OSBP2: variants seen among roughly 807,000 people sequenced by gnomAD.
OSBP2 encodes oxysterol-binding protein 2.
In OSBP2, 66 loss-of-function variants were observed where a neutral mutation model predicts 96.0. The ratio of observed to expected loss-of-function variants is 0.69; its 90% CI spans 0.56 to 0.84. The LOEUF is 0.84. OSBP2 is among the 40% of genes least tolerant of loss of function. The probability of loss-of-function intolerance (pLI) is 0.00; values close to 1 mark genes in which losing one functional copy is unlikely to be tolerated. For missense variants in OSBP2, 1,038 were observed against 1,222.7 expected (o/e 0.85, Z 2.25); for synonymous variants, 525 against 520.9 (o/e 1.01, Z -0.11).
At chr22:30,804,273 A>T (rs1047184557) in intron 2 of OSBP2, among the ~76,000 whole-genome samples, 2 of 152,198 alleles carry the variant, frequency 1.3e-5, no homozygotes, top group African/African-American at 4.8e-5. Flanking sequence ...GTTGTGCTAG[A>T]TTCCAAGCCA....
At chr22:30,816,334 C>A (rs1347201724) in intron 2 of OSBP2, among the ~76,000 whole-genome samples, 1 of 152,044 alleles carries the variant, frequency 6.6e-6, no homozygotes, top group Non-Finnish European at 1.5e-5. Context: ...GGAATTCCAG[C>A]GCTGTTATTA....
At chr22:30,704,135 A>C (rs2089208287) in intron 1 of OSBP2, among the ~76,000 whole-genome samples, 1 of 152,214 alleles carries the variant, frequency 6.6e-6, no homozygotes, top group Non-Finnish European at 1.5e-5. Context: ...AAGTAACCCC[A>C]GGCTCAATGA....
chr22:30,754,647 C>A (rs974325143), intron 2 of OSBP2, among the ~76,000 whole-genome samples: 1 of 152,198 alleles, frequency 6.6e-6, no homozygotes, highest in African/African-American at 2.4e-5. Flanking sequence ...TTTGTGTCAC[C>A]CCCGAGGGCT....
At chr22:30,753,595 C>T (rs1031478982) in intron 2 of OSBP2, among the ~76,000 whole-genome samples, 3 of 152,080 alleles carry the variant, frequency 2.0e-5, no homozygotes, top group East Asian at 1.9e-4. Flanking sequence ...TGGACAGGCT[C>T]AGTGGCCAGA....
At chr22:30,740,210 G>C (rs1391916395) in intron 1 of OSBP2, among the ~76,000 whole-genome samples, 1 of 152,180 alleles carries the variant, frequency 6.6e-6, no homozygotes, top group Non-Finnish European at 1.5e-5. Context: ...CAGGAGTGCT[G>C]ATTGGTCAGG....
intron 2 of OSBP2, among the ~76,000 whole-genome samples, chr22:30,742,832 G>A (rs1227628203): frequency 2.0e-5 from 3 of 152,154 alleles, no homozygotes; most frequent in African/African-American, 4.8e-5. Context: ...GCACATGTGA[G>A]TATAAATGAA....
At chr22:30,823,197 T>TCCCTCC (rs1244418091) in intron 2 of OSBP2, among the ~76,000 whole-genome samples, 112 of 151,780 alleles carry the variant, frequency 7.4e-4, no homozygotes, top group African/African-American at 2.6e-3. Context: ...TGAGCAACCC[T>TCCCTCC]CCCTCCCCGT....
chr22:30,778,830 G>A (rs2090473798), intron 2 of OSBP2, among the ~76,000 whole-genome samples: 1 of 152,010 alleles, frequency 6.6e-6, no homozygotes, highest in South Asian at 2.1e-4. Flanking sequence ...GAGGTCAGGA[G>A]TTCAAGAGCA....
intron 2 of OSBP2, among the ~76,000 whole-genome samples, chr22:30,809,776 A>G (rs1361537099): frequency 2.6e-5 from 4 of 152,184 alleles, no homozygotes; most frequent in Admixed American, 2.6e-4. Context: ...GGAAGCTGAG[A>G]CCTCAGAAGT....
At chr22:30,888,629 G>A (rs1433628809) in intron 5 of OSBP2, among the ~76,000 whole-genome samples, 2 of 152,308 alleles carry the variant, frequency 1.3e-5, no homozygotes, top group South Asian at 2.1e-4. Flanking sequence ...TTGGGAGGCT[G>A]AAGTGGGAGG....
intron 3 of OSBP2, among the ~76,000 whole-genome samples, chr22:30,884,666 C>T (rs2039772705): frequency 6.6e-6 from 1 of 152,148 alleles, no homozygotes; most frequent in Non-Finnish European, 1.5e-5. Flanking sequence ...GCCAGGCCAG[C>T]CACGAGAGCT....
At chr22:30,903,331 G>A (rs924235720) in intron 12 of OSBP2, among the ~76,000 whole-genome samples, 1 of 152,254 alleles carries the variant, frequency 6.6e-6, no homozygotes, top group Non-Finnish European at 1.5e-5. Flanking sequence ...GAGAATTGGA[G>A]GCACCTTGTT....
chr22:30,847,465 A>G (rs2038892894), intron 2 of OSBP2, among the ~76,000 whole-genome samples: 1 of 151,828 alleles, frequency 6.6e-6, no homozygotes, highest in Admixed American at 6.6e-5. Flanking sequence ...TATTTTTTGT[A>G]GAGATGGGAT....
rs1412292392 is a variant in OSBP2, at chr22:30,839,044, G to A, written c.854-31385G>A. Among the ~76,000 whole-genome samples the A allele has an allele frequency of 1.2e-4, 15 of 124,902 alleles. No individual in the cohort carries two copies. In the East Asian group the frequency reaches 2.3e-3, roughly 20 times the overall value. 81.9% of individuals were successfully genotyped at this position (124,902 alleles called of 152,430 possible). On this transcript the variant is annotated intron_variant, in intron 2 of 13. Coordinates refer to ENST00000332585, the MANE Select transcript of OSBP2 (RefSeq NM_030758.4). ...CCCCAGAGTGTGATGGTCCCCTTCC[G>A]GTGTCCATGTGTTCTCATTGTTCAA...
At chr22:30,694,438 T>C (rs948624512), upstream of OSBP2, 2 of 1,392,332 alleles carry the variant, frequency 1.4e-6, no homozygotes, top group Non-Finnish European at 1.9e-6. Context: ...CCGTACCTGC[T>C]TCCCACCCGG....
chr22:30,712,913 T>C (rs1199578772), intron 1 of OSBP2, among the ~76,000 whole-genome samples: 5 of 152,034 alleles, frequency 3.3e-5, no homozygotes, highest in Non-Finnish European at 4.4e-5. Context: ...TTTTGGTTTT[T>C]GTTGTTTTTT....
chr22:30,782,872 T>G (rs1280427038), intron 2 of OSBP2, among the ~76,000 whole-genome samples: 1 of 152,140 alleles, frequency 6.6e-6, no homozygotes, highest in Non-Finnish European at 1.5e-5. Context: ...CATTTGACAT[T>G]CCCATAAGCA....
chr22:30,729,007 G>A (rs1392630889), intron 1 of OSBP2, among the ~76,000 whole-genome samples: 4 of 152,124 alleles, frequency 2.6e-5, no homozygotes, highest in African/African-American at 7.2e-5. Flanking sequence ...TACTAATGCC[G>A]AAATCCACAG....
intron 2 of OSBP2, among the ~76,000 whole-genome samples, chr22:30,852,166 T>C (rs969405260): frequency 5.9e-5 from 9 of 152,318 alleles, no homozygotes; most frequent in Middle Eastern, 6.8e-3. Context: ...CAGTGTGATA[T>C]TGGCCTCATA....
Sources: allele counts gnomAD v4.1 joint callset (sites outside exome capture counted in the v4.1 genomes callset), GRCh38; gene constraint gnomAD v4.1.1; transcripts MANE v1.5; gene names NCBI Gene and HGNC (gene_info 2026-07-23, HGNC 2026-07-21).